PCLO: variants seen among roughly 807,000 people sequenced by gnomAD.
PCLO encodes the protein piccolo presynaptic cytomatrix protein, also known as protein piccolo.
A neutral mutation model predicts 427.5 loss-of-function variants in PCLO; 82 were observed. The observed-to-expected ratio is 0.19, with a 90% CI of 0.16 to 0.23. PCLO has a LOEUF of 0.23. Ranked by LOEUF, PCLO falls within the 10% of genes least tolerant of loss-of-function variation. The pLI is 1.00. For synonymous variants in PCLO, 2,357 were observed against 2,155.4 expected (o/e 1.09, Z -2.59); for missense variants, 6,239 against 6,115.9 (o/e 1.02, Z -0.67).
chr7:83,162,806 T>G lies in PCLO; in HGVS notation c.-214A>C, dbSNP rs1792482988. ...CCCGCTGCCGGTGCCTCCTCCATGT[T>G]GGACAGCGCCAGGCAACCTTTGCAG... On this transcript the variant is annotated 5_prime_UTR_variant, in exon 1 of 25. Transcript: ENST00000333891. 1 of 611,380 alleles carries G rather than the reference T, an allele frequency of 1.6e-6. No homozygotes were observed. Among genetic ancestry groups the G allele is most frequent in the Non-Finnish European group, 2.8e-6 (1 of 362,322 alleles). 37.9% of individuals were successfully genotyped at this position (611,380 alleles called of 1,614,324 possible). A position where few individuals can be genotyped will look rare whatever the true frequency, so the allele number is the denominator to read the frequency against.
intron 3 of PCLO, among the ~76,000 whole-genome samples, chr7:82,994,600 T>G (rs1433434445): frequency 7.6e-6 from 1 of 131,378 alleles, no homozygotes; most frequent in East Asian, 2.5e-4. Flanking sequence ...TATTTTTATT[T>G]TGGGGGTTCA....
chr7:82,796,558 C>T (rs1012084888), intron 22 of PCLO, among the ~76,000 whole-genome samples: 2 of 151,960 alleles, frequency 1.3e-5, no homozygotes, highest in African/African-American at 2.4e-5. Context: ...CAAAACCATG[C>T]TCCCCACCAT....
At chr7:83,109,881 A>G (rs2116518874) in intron 3 of PCLO, among the ~76,000 whole-genome samples, 1 of 152,118 alleles carries the variant, frequency 6.6e-6, no homozygotes, top group East Asian at 1.9e-4. Flanking sequence ...GTTTCATAAC[A>G]TTACATCAAA....
chr7:83,136,776 T>C (rs1178090307), intron 2 of PCLO, among the ~76,000 whole-genome samples: 2 of 152,182 alleles, frequency 1.3e-5, no homozygotes, highest in African/African-American at 4.8e-5. Context: ...GAGATTTGTA[T>C]ATATATGAGA....
chr7:82,965,443 G>A (rs534843647), intron 4 of PCLO, among the ~76,000 whole-genome samples: 289 of 151,228 alleles, frequency 1.9e-3, no homozygotes, highest in Non-Finnish European at 3.2e-3. Context: ...TATGTTAAAG[G>A]GGGATATTGA....
At chr7:82,934,168 T>C (rs1048901707) in intron 6 of PCLO, among the ~76,000 whole-genome samples, 28 of 151,916 alleles carry the variant, frequency 1.8e-4, no homozygotes, top group African/African-American at 4.6e-4. Flanking sequence ...CAGTTTATGA[T>C]AGACATTCAA....
In PCLO at chr7:83,135,406, G is replaced by C. The variant is rs752257426; in HGVS notation, c.2144C>G (p.Ser715Cys). The C allele has an allele frequency of 6.2e-7, 1 of 1,613,984 alleles. No individual in the cohort carries two copies. Among genetic ancestry groups the C allele is most frequent in the East Asian group, 2.2e-5 (1 of 44,868 alleles). Residue 715 changes from serine (S) to cysteine (C), a missense_variant, in exon 3 of 25, where the codon TCT becomes TGT. Around this residue, in one of 5 missense-constraint regions of PCLO, gnomAD observed 4,677 missense variants for 4,468.4 expected, o/e 1.05. Transcript: ENST00000333891. ...GGGCTGCTTGGCCTTGGCTGAAGGA[G>C]AGCCATGAAGGGTTGGTTGTTTCAC... ...PLVKQPTLHG[S>C]PSAKAKQPPE...
Position 82,966,369 on chromosome 7 carries a change from G to A in PCLO, c.3419C>T (p.Pro1140Leu), listed in dbSNP as rs1214549412. 6.2e-7 allele frequency: 1 copy of A among 1,613,822 alleles called. No homozygotes were observed. The highest frequency in any genetic ancestry group is 1.1e-5 in the South Asian group (1 of 91,074). ...TGTTTTCTGAGATGATGATTCTGTA[G>A]GAACAGGCATAGGAGATGCTTTGGG... Reference protein sequence around the residue: ...SGPKASPMPVPTESSSQKTAV... With the variant: ...SGPKASPMPVLTESSSQKTAV... Residue 1140 changes from proline (P) to leucine (L), a missense_variant, in exon 4 of 25, where the codon CCT (proline) becomes CTT (leucine). Around this residue, in one of 5 missense-constraint regions of PCLO, gnomAD observed 4,677 missense variants for 4,468.4 expected, o/e 1.05. Transcript: ENST00000333891.
At chr7:82,791,091 C>T (rs906201811) in intron 22 of PCLO, among the ~76,000 whole-genome samples, 3 of 152,096 alleles carry the variant, frequency 2.0e-5, no homozygotes, top group Admixed American at 6.6e-5. Context: ...AGCATAAATA[C>T]GGTAATACCT....
intron 9 of PCLO, among the ~76,000 whole-genome samples, chr7:82,884,520 T>C (rs545695577): frequency 1.3e-5 from 2 of 152,334 alleles, no homozygotes; most frequent in South Asian, 2.1e-4. Context: ...ATTCATGTAA[T>C]GACATAAAGA....
chr7:83,082,676 C>T (rs10241885), intron 3 of PCLO, among the ~76,000 whole-genome samples: 1 of 150,952 alleles, frequency 6.6e-6, no homozygotes, highest in Non-Finnish European at 1.5e-5. Flanking sequence ...AATGATTAAG[C>T]CTTGAAGTGA....
chr7:83,150,003 T>C (rs1792089172), intron 2 of PCLO, among the ~76,000 whole-genome samples: 1 of 152,062 alleles, frequency 6.6e-6, no homozygotes, highest in Non-Finnish European at 1.5e-5. Flanking sequence ...AAAAAAAAAA[T>C]GGCGAGAAAA....
At chr7:82,772,551 C>A (rs17156658) in intron 22 of PCLO, among the ~76,000 whole-genome samples, 6 of 151,892 alleles carry the variant, frequency 4.0e-5, no homozygotes, top group African/African-American at 1.5e-4. Context: ...CCAGATTCAA[C>A]GAGATATTTT....
chr7:83,032,516 C>A (rs1788697557), intron 3 of PCLO, among the ~76,000 whole-genome samples: 1 of 144,752 alleles, frequency 6.9e-6, no homozygotes, highest in African/African-American at 2.5e-5. Flanking sequence ...CCTTCCCTTT[C>A]TATTTTAACA....
intron 3 of PCLO, among the ~76,000 whole-genome samples, chr7:83,005,321 T>C (rs949281394): frequency 2.0e-5 from 3 of 151,292 alleles, no homozygotes; most frequent in Admixed American, 6.6e-5. Flanking sequence ...AGAAACAGGA[T>C]GAAAAATACT....
intron 10 of PCLO, among the ~76,000 whole-genome samples, chr7:82,866,554 C>T (rs1355033776): frequency 7.9e-5 from 12 of 151,656 alleles, no homozygotes; most frequent in African/African-American, 2.9e-4. Flanking sequence ...CTGACAGTGA[C>T]TACGATTTGG....
rs776085987 is a variant in PCLO at position 83,134,633 on chromosome 7, G to A, written c.2917C>T (p.Pro973Ser). 3 of 1,613,920 alleles carry A rather than the reference G, an allele frequency of 1.9e-6. No homozygotes were observed. The highest frequency in any genetic ancestry group is 2.5e-6 in the Non-Finnish European group (3 of 1,179,864). ...TTGGGTGGCCCTTGTGAAGTAGGTG[G>A]CTGTGAAGGGGCAGGGGCTTGTTTC... ...PMKQAPAPSQPPTSQGPPKST... is the reference protein window; with the variant it reads ...PMKQAPAPSQSPTSQGPPKST... The change falls in exon 3 of 25, where the codon CCA (proline) becomes TCA (serine). Residue 973 changes from proline (P) to serine (S), a missense_variant. By Grantham distance (74) the Pro-to-Ser change is moderately conservative (BLOSUM62 -1). Around this residue, in one of 5 missense-constraint regions of PCLO, gnomAD observed 4,677 missense variants for 4,468.4 expected, o/e 1.05. Transcript: ENST00000333891.
chr7:83,023,237 C>T (rs1788390530), intron 3 of PCLO, among the ~76,000 whole-genome samples: 1 of 152,072 alleles, frequency 6.6e-6, no homozygotes, highest in African/African-American at 2.4e-5. Flanking sequence ...TTTTGCAGAT[C>T]ATAATGTAAA....
intron 2 of PCLO, among the ~76,000 whole-genome samples, chr7:83,136,278 G>T (rs1362579828): frequency 6.6e-6 from 1 of 151,928 alleles, no homozygotes; most frequent in Non-Finnish European, 1.5e-5. Context: ...TATAATTTAA[G>T]AAAAAGCAAG....
Sources: allele counts gnomAD v4.1 joint callset (sites outside exome capture counted in the v4.1 genomes callset), GRCh38; gene constraint gnomAD v4.1.1; regional missense constraint gnomAD v4.1.1; transcripts MANE v1.5; gene names NCBI Gene and HGNC (gene_info 2026-07-23, HGNC 2026-07-21).